Variants in NT5DC2 observed in about 807,000 individuals in gnomAD.
NT5DC2 encodes the protein 5'-nucleotidase domain-containing protein 2.
In NT5DC2, 41 loss-of-function variants were observed where a neutral mutation model predicts 70.0. The observed-to-expected ratio is 0.59, with a 90% CI of 0.46 to 0.76. The LOEUF (loss-of-function observed/expected upper bound fraction) is 0.76. NT5DC2 is among the 30% of genes least tolerant of loss of function. The pLI is 0.00. For missense variants in NT5DC2, 705 were observed against 783.2 expected, an observed-to-expected ratio of 0.90 and a Z score of 1.19; for synonymous variants, 299 against 310.4, an observed-to-expected ratio of 0.96 and a Z score of 0.39.
chr3:52,532,755 A>G (rs186663637), intron 1 of NT5DC2, among the ~76,000 whole-genome samples: 177 of 152,116 alleles, frequency 1.2e-3, no homozygotes, highest in African/African-American at 4.0e-3. Context: ...GACCCAAACC[A>G]TATCTGTCTG....
At chr3:52,533,871 G>A (rs1259001099), upstream of NT5DC2, 1 of 976,376 alleles carries the variant, frequency 1.0e-6, no homozygotes, top group Non-Finnish European at 1.2e-6. Context: ...TGCGGCGCGC[G>A]GAGCCCGGCC....
At chr3:52,533,390 G>C in intron 1 of NT5DC2, 116 bp downstream of exon 1, 1 of 1,145,918 alleles carries the variant, frequency 8.7e-7, no homozygotes, top group Non-Finnish European at 1.2e-6. Flanking sequence ...TTGCGCTCCG[G>C]GGCCCTGGCG....
upstream of NT5DC2, chr3:52,534,334 C>T: frequency 1.2e-6 from 1 of 825,032 alleles, no homozygotes; most frequent in South Asian, 1.5e-5. Flanking sequence ...GACCAGAGCC[C>T]GGGCCAGTCC....
Position 52,529,085 on chromosome 3 carries a change from G to C in NT5DC2, c.417+65C>G. 6.2e-7 allele frequency: 1 copy of C among 1,605,908 alleles called. No homozygotes were observed. The highest frequency in any genetic ancestry group is 1.1e-5 in the South Asian group (1 of 90,658). On this transcript the variant is annotated intron_variant, in intron 2 of 13. Coordinates refer to ENST00000422318, the MANE Select transcript of NT5DC2 (RefSeq NM_001134231.2). The surrounding 1 kb of genome is among the most constrained non-coding windows in gnomAD (Gnocchi z 4.1). ...GCCCCACGACTCAGCCCTGAGCTTA[G>C]GCCAAGGTGGGTCTGGCCAGCCTCC...
At chr3:52,534,709 G>A, upstream of NT5DC2, 1 of 1,557,376 alleles carries the variant, frequency 6.4e-7, no homozygotes, top group Non-Finnish European at 8.7e-7. Flanking sequence ...TGTGCTCAGG[G>A]TCCGGAGGAG....
rs1322878435 is a variant in NT5DC2 at position 52,530,959 on chromosome 3, AGACTCCAGGGGATCCCT to A, written c.233-1642_233-1626del. Among the ~76,000 whole-genome samples, 17 of 152,310 alleles carry A rather than the reference AGACTCCAGGGGATCCCT, an allele frequency of 1.1e-4. 1 individual carries two copies. The highest frequency in any genetic ancestry group is 1.1e-3 in the Admixed American group (17 of 15,308). On this transcript the variant is annotated intron_variant, in intron 1 of 13. Coordinates refer to ENST00000422318, the MANE Select transcript of NT5DC2 (RefSeq NM_001134231.2). ...CTGCCTTGCAGGGGCCCCAGCTCTA[AGACTCCAGGGGATCCCT>A]GTCTCAGCCACAACCCCAGTGCCGA...
chr3:52,524,795 T>TG, intron 13 of NT5DC2, 22 bp downstream of exon 13: 1 of 1,612,508 alleles, frequency 6.2e-7, no homozygotes, highest in South Asian at 1.1e-5. Flanking sequence ...CTGGGACTCC[T>TG]GCCCTGGCCC....
At chr3:52,534,309 G>T, upstream of NT5DC2, 1 of 672,556 alleles carries the variant, frequency 1.5e-6, no homozygotes, top group Non-Finnish European at 2.6e-6. Context: ...TCTGGGCTCG[G>T]ACTGACTGCC....
At position 52,524,577 on chromosome 3, in the gene NT5DC2, A is replaced by T; in HGVS notation, c.1567T>A (p.Tyr523Asn). The T allele has an allele frequency of 6.2e-7, 1 of 1,613,172 alleles. No individual in the cohort carries two copies. The highest frequency in any genetic ancestry group is 8.5e-7 in the Non-Finnish European group (1 of 1,180,032). The change falls in exon 14 of 14, where the codon TAC (tyrosine) becomes AAC (asparagine). Residue 523 changes from tyrosine to asparagine, a missense_variant. By Grantham distance (143) the Tyr-to-Asn change is moderately radical (BLOSUM62 -2). Coordinates refer to ENST00000422318, the MANE Select transcript of NT5DC2 (RefSeq NM_001134231.2). The part of the protein sequence containing the change: ...LLNYRVDFTF[Y>N]PRRTPLQHEA... Reference sequence around the variant, plus strand: ...TGCTGCAGCGGCGTACGGCGTGGGTAGAAGGTGAAGTCCACGCGGTAGTTG... The same window carrying T: ...TGCTGCAGCGGCGTACGGCGTGGGTTGAAGGTGAAGTCCACGCGGTAGTTG...
rs1023753217 is a variant in NT5DC2, at chr3:52,524,615, A to AG, written c.1528dup (p.Leu510ProfsTer43). 2 of 1,613,068 alleles carry AG rather than the reference A, an allele frequency of 1.2e-6. No homozygotes were observed. The highest frequency in any genetic ancestry group is 1.3e-5 in the African/African-American group (1 of 74,932). On this transcript the variant is annotated frameshift_variant, in exon 14 of 14. Transcript: ENST00000422318. LOFTEE classifies it high-confidence loss of function. ...CACGCGGTAGTTGAGCAGGCAGCTG[A>AG]GGGAGGCCATGTAGAGGTCAGAGAA...
rs17851192 is a variant in NT5DC2 at position 52,524,996 on chromosome 3, C to T, written c.1314G>A (p.Gln438=). The stretch of plus-strand genomic sequence containing the variant: ...GCTCCAGCAGCCCCGTGAGCGCCTG[C>T]TGCCACGTCAGCGAGTGCATGTACT... ...TEQYMHSLTW[Q]QALTGLLERM... is the part of the protein sequence containing the mutation. Residue 438 remains glutamine (Q), a synonymous_variant, in exon 12 of 14, where the codon CAG becomes CAA. Transcript: ENST00000422318. 6.2e-7 allele frequency: 1 copy of T among 1,611,246 alleles called. No homozygotes were observed. The highest frequency in any genetic ancestry group is 8.5e-7 in the Non-Finnish European group (1 of 1,179,370).
chr3:52,524,481 G>T lies in NT5DC2; in HGVS notation c.1663C>A (p.His555Asn). 6.2e-7 allele frequency: 1 copy of T among 1,612,836 alleles called. No homozygotes were observed. The change falls in exon 14 of 14, where the codon CAC (histidine) becomes AAC (asparagine). Residue 555 changes from histidine to asparagine, a missense_variant. Coordinates refer to ENST00000422318, the MANE Select transcript of NT5DC2 (RefSeq NM_001134231.2). Reference sequence around the variant, plus strand: ...CAATAAAGGTGCCCTCAGCGGATGTGGGCCATGTCACCAAGGAAGGGGGTC... The same window carrying T: ...CAATAAAGGTGCCCTCAGCGGATGTTGGCCATGTCACCAAGGAAGGGGGTC... ...MKTPFLGDMA[H>N]IR
At chr3:52,524,772 G>C (rs1443378835) in intron 13 of NT5DC2, 41 bp from the exon 14 acceptor site, 15 of 1,612,560 alleles carry the variant, frequency 9.3e-6, no homozygotes, top group Non-Finnish European at 1.3e-5. Flanking sequence ...GTGGGCCTGG[G>C]GTGGTGGCTT....
rs376785571 is a variant in NT5DC2, at chr3:52,529,369, G to A, written c.233-35C>T. 1.9e-6 allele frequency: 3 copies of A among 1,599,084 alleles called. No homozygotes were observed. The highest frequency in any genetic ancestry group is 1.7e-6 in the Non-Finnish European group (2 of 1,169,844). The stretch of plus-strand genomic sequence containing the variant: ...GGAGATGCAGGGAGGCAGTGATGGG[G>A]ATGATGATCCCTGCAGCAGCTATGG... On this transcript the variant is annotated intron_variant, in intron 1 of 13. Transcript: ENST00000422318. This position sits in a 1 kb window ranked among gnomAD's most constrained non-coding sequence, Gnocchi z 4.1.
At chr3:52,534,252 C>T, upstream of NT5DC2, 2 of 529,012 alleles carry the variant, frequency 3.8e-6, no homozygotes, top group South Asian at 2.0e-5. Context: ...CTCCGCTCCT[C>T]CCCCTAGTCC....
At chr3:52,525,146 G>T in intron 11 of NT5DC2, 43 bp from the exon 12 acceptor site, 2 of 1,299,424 alleles carry the variant, frequency 1.5e-6, no homozygotes, top group East Asian at 2.9e-5. Context: ...GCCAGTTGCT[G>T]GGGGCGGGGG....
At chr3:52,524,926 A>G (rs1559734306) in intron 12 of NT5DC2, 37 bp downstream of exon 12, 1 of 1,611,972 alleles carries the variant, frequency 6.2e-7, no homozygotes, top group Non-Finnish European at 8.5e-7. Context: ...CCAGGAGGCT[A>G]CCGCCCTGGC....
Position 52,529,014 on chromosome 3 carries a change from T to G in NT5DC2, c.418-79A>C. ...CTGGGTGGCCACCCCAGGGGGTCAA[T>G]CCAGCCACCTGCCCAGGGCAGCTGC... On this transcript the variant is annotated intron_variant, in intron 2 of 13. Transcript: ENST00000422318. This position sits in a 1 kb window ranked among gnomAD's most constrained non-coding sequence, Gnocchi z 4.1. 6.3e-7 allele frequency: 1 copy of G among 1,587,914 alleles called. No individual in the cohort carries two copies. Among genetic ancestry groups the G allele is most frequent in the Non-Finnish European group, 8.6e-7 (1 of 1,157,488 alleles).
chr3:52,524,906 G>T (rs1196122051), intron 12 of NT5DC2, 25 bp from the exon 13 acceptor site: 2 of 1,611,914 alleles, frequency 1.2e-6, no homozygotes, highest in South Asian at 2.2e-5. Flanking sequence ...TGTGCATTGG[G>T]TGTGTGCACC....
Sources: gnomAD v4.1 joint callset for allele counts (sites outside exome capture counted in the v4.1 genomes callset) on GRCh38, gnomAD v4.1.1 for gene constraint, Gnocchi (gnomAD v3.1) non-coding constraint, MANE v1.5 for transcripts, NCBI Gene and HGNC (gene_info 2026-07-23, HGNC 2026-07-21) for gene names.